RERE: variants seen among roughly 807,000 people sequenced by gnomAD.
The protein encoded by RERE is arginine-glutamic acid dipeptide repeats, also known as arginine-glutamic acid dipeptide repeats protein.
RERE carries 40 observed loss-of-function variants against 146.1 expected under a neutral mutation model. That is an observed-to-expected ratio of 0.27 (90% CI 0.21 to 0.36). RERE has a LOEUF of 0.36. RERE is among the 10% of genes least tolerant of loss of function. The probability of loss-of-function intolerance (pLI) is 1.00; values close to 1 mark genes in which losing one functional copy is unlikely to be tolerated. For missense variants in RERE, 1,933 were observed against 2,138.7 expected, an observed-to-expected ratio of 0.90 and a Z score of 1.90; for synonymous variants, 1,003 against 866.0, an observed-to-expected ratio of 1.16 and a Z score of -2.78.
chr1:8,668,294 A>C (rs1159861920), intron 1 of RERE, among the ~76,000 whole-genome samples: 1 of 152,214 alleles, frequency 6.6e-6, no homozygotes, highest in African/African-American at 2.4e-5. Flanking sequence ...AACATAATCA[A>C]ATATCCTGAA....
At chr1:8,591,619 G>C (rs1281687845) in intron 4 of RERE, among the ~76,000 whole-genome samples, 1 of 152,090 alleles carries the variant, frequency 6.6e-6, no homozygotes, top group African/African-American at 2.4e-5. Flanking sequence ...CCAGGAAGCA[G>C]TTGCCTCCTG....
In RERE at chr1:8,503,130, A is replaced by AT. The variant is rs56977958; in HGVS notation, c.879+5496_879+5497insA. Among the ~76,000 whole-genome samples, 309 of 150,046 alleles carry AT rather than the reference A, an allele frequency of 2.1e-3. 1 individual carries two copies. Among genetic ancestry groups the AT allele is most frequent in the African/African-American group, 7.2e-3 (292 of 40,710 alleles). The stretch of plus-strand genomic sequence containing the variant: ...AATAAATAAATAAATAAATAAATAA[A>AT]AAAGAATTGATGAGTCAACCTCTCT... On this transcript the variant is annotated intron_variant, in intron 8 of 22. Coordinates refer to ENST00000400908, the MANE Select transcript of RERE (RefSeq NM_001042681.2).
Position 8,713,560 on chromosome 1 carries a change from C to T in RERE, c.-144-57119G>A, listed in dbSNP as rs1427676904. ...ACCAGCCTCGCCAACACGGTGAAAC[C>T]CCATCTCTACTAAAAATACAAAAAT... is the stretch of plus-strand genomic sequence containing the variant. On this transcript the variant is annotated intron_variant, in intron 1 of 22. Coordinates refer to ENST00000400908, the MANE Select transcript of RERE (RefSeq NM_001042681.2). Among the ~76,000 whole-genome samples the T allele has an allele frequency of 3.3e-5, 5 of 151,940 alleles. 1 individual carries two copies. The highest frequency in any genetic ancestry group is 3.3e-4 in the Admixed American group (5 of 15,228).
At chr1:8,392,080 T>C (rs548345483) in intron 12 of RERE, among the ~76,000 whole-genome samples, 1 of 152,322 alleles carries the variant, frequency 6.6e-6, no homozygotes, top group African/African-American at 2.4e-5. Flanking sequence ...CTTTTGTTTA[T>C]TGCTGCATTT....
At chr1:8,524,313 C>A (rs1257096490) in intron 7 of RERE, among the ~76,000 whole-genome samples, 7 of 152,156 alleles carry the variant, frequency 4.6e-5, no homozygotes, top group African/African-American at 7.2e-5. Context: ...TAGTTGCAAT[C>A]CCAAAATTGA....
intron 10 of RERE, among the ~76,000 whole-genome samples, chr1:8,488,451 G>A (rs1644934546): frequency 6.6e-6 from 1 of 152,038 alleles, no homozygotes. Flanking sequence ...TCACCATGTT[G>A]GCCAGGCTGG....
intron 1 of RERE, among the ~76,000 whole-genome samples, chr1:8,663,591 CT>C (rs1638502990): frequency 1.3e-5 from 2 of 152,198 alleles, no homozygotes; most frequent in Non-Finnish European, 2.9e-5. Flanking sequence ...TTCCTCCCAT[CT>C]GTCCTCCAGT....
At chr1:8,527,899 C>G (rs1250482940) in intron 7 of RERE, among the ~76,000 whole-genome samples, 1 of 152,226 alleles carries the variant, frequency 6.6e-6, no homozygotes, top group Non-Finnish European at 1.5e-5. Context: ...CAGCTCCACT[C>G]TGAAGACACT....
At chr1:8,759,210 A>C (rs1640704672) in intron 1 of RERE, among the ~76,000 whole-genome samples, 1 of 152,226 alleles carries the variant, frequency 6.6e-6, no homozygotes, top group African/African-American at 2.4e-5. Context: ...AAAATGAAAA[A>C]TTCCTACTTT....
intron 1 of RERE, among the ~76,000 whole-genome samples, chr1:8,751,359 A>G (rs769470595): frequency 6.6e-6 from 1 of 152,180 alleles, no homozygotes; most frequent in Non-Finnish European, 1.5e-5. Context: ...TATGAGTCTA[A>G]TATCTCCAAA....
At chr1:8,566,497 G>C (rs751166778) in intron 4 of RERE, among the ~76,000 whole-genome samples, 4 of 152,092 alleles carry the variant, frequency 2.6e-5, no homozygotes, top group Non-Finnish European at 4.4e-5. Context: ...GCGACCGCCT[G>C]TAATCCCAGC....
At chr1:8,752,882 T>C (rs1027948676) in intron 1 of RERE, among the ~76,000 whole-genome samples, 1 of 152,194 alleles carries the variant, frequency 6.6e-6, no homozygotes, top group Non-Finnish European at 1.5e-5. Context: ...AAGTTCTATT[T>C]AAAGAAACTT....
intron 1 of RERE, among the ~76,000 whole-genome samples, chr1:8,812,969 AC>A (rs1641841940): frequency 6.6e-6 from 1 of 152,180 alleles, no homozygotes; most frequent in South Asian, 2.1e-4. Context: ...ACACACACAA[AC>A]TATAACTCTG....
chr1:8,701,297 C>G (rs1288018850), intron 1 of RERE, among the ~76,000 whole-genome samples: 1 of 79,162 alleles, frequency 1.3e-5, no homozygotes, highest in African/African-American at 7.5e-5. Context: ...TACACACACA[C>G]ACACACACAC....
At position 8,365,805 on chromosome 1, in the gene RERE, T is replaced by A; in HGVS notation, c.1447+7A>T. 1 of 1,614,012 alleles carries A rather than the reference T, an allele frequency of 6.2e-7. No homozygotes were observed. Among genetic ancestry groups the A allele is most frequent in the Non-Finnish European group, 8.5e-7 (1 of 1,179,932 alleles). On this transcript the variant is annotated splice_region_variant and intron_variant, in intron 13 of 22. Coordinates refer to ENST00000400908, the MANE Select transcript of RERE (RefSeq NM_001042681.2). ...CCGCCCACTGTGATGCCAAGACCCCTACTCACAGAATTCACTGGACGGGGG... is the reference window on the plus strand; with the variant it reads ...CCGCCCACTGTGATGCCAAGACCCCAACTCACAGAATTCACTGGACGGGGG...
intron 17 of RERE, 71 bp from the exon 18 acceptor site, chr1:8,361,561 CG>C: frequency 1.9e-6 from 3 of 1,555,380 alleles, no homozygotes; most frequent in Admixed American, 1.7e-5. Flanking sequence ...CCACCAGTGC[CG>C]GACACACAGT....
intron 10 of RERE, among the ~76,000 whole-genome samples, chr1:8,494,163 T>C (rs762886888): frequency 6.6e-6 from 1 of 152,238 alleles, no homozygotes; most frequent in Non-Finnish European, 1.5e-5. Context: ...CATTTCCCTT[T>C]ACTTTTAATT....
intron 1 of RERE, among the ~76,000 whole-genome samples, chr1:8,659,485 A>C (rs182861725): frequency 6.8e-4 from 103 of 152,376 alleles, no homozygotes; most frequent in African/African-American, 2.4e-3. Flanking sequence ...TGAACCCAGG[A>C]AGCGGAGGTT....
chr1:8,541,393 G>A (rs1360176087), intron 6 of RERE, 75 bp from the exon 7 acceptor site: 3 of 844,968 alleles, frequency 3.6e-6, no homozygotes, highest in African/African-American at 1.7e-5. Flanking sequence ...GGGGAAGGGT[G>A]GAGGAAGCAC....
Sources: gnomAD v4.1 joint callset for allele counts (sites outside exome capture counted in the v4.1 genomes callset) on GRCh38, gnomAD v4.1.1 for gene constraint, MANE v1.5 for transcripts, NCBI Gene and HGNC (gene_info 2026-07-23, HGNC 2026-07-21) for gene names.